The following STAG1 variants were observed in gnomAD, a reference collection of about 807,000 sequenced individuals.
The protein encoded by STAG1 is STAG1 cohesin complex component.
A neutral mutation model predicts 170.9 loss-of-function variants in STAG1; 26 were observed. That is an observed-to-expected ratio of 0.15 (90% confidence interval 0.11 to 0.21). STAG1 has a LOEUF of 0.21. Among genes scored for constraint, STAG1 ranks in the 10% least tolerant of loss-of-function variants. The probability of loss-of-function intolerance (pLI) is 1.00; values close to 1 mark genes in which losing one functional copy is unlikely to be tolerated. For missense variants in STAG1, 964 were observed against 1,509.5 expected (o/e 0.64, Z 5.99); for synonymous variants, 514 against 497.7 (o/e 1.03, Z -0.44).
rs1939942913 is a variant in STAG1 at position 136,623,205 on chromosome 3, C to T, written c.73G>A (p.Glu25Lys). The change falls in exon 3 of 34, where the codon GAG (glutamate) becomes AAG (lysine). Residue 25 changes from glutamate (E) to lysine (K), a missense_variant. Physicochemically the swap from Glu to Lys is moderately conservative, Grantham distance 56. Coordinates refer to ENST00000383202, the MANE Select transcript of STAG1 (RefSeq NM_005862.3). ...CCTTTGACCTCTGTTTCTTCAAGCT[C>T]GCTGCCAGCATCGGAATGGGCAGTA... ...ETTAHSDAGS[E>K]LEETEVKGKR... The T allele has an allele frequency of 1.9e-6, 3 of 1,613,624 alleles. No individual in the cohort carries two copies. The highest frequency in any genetic ancestry group is 1.7e-6 in the Non-Finnish European group (2 of 1,179,768).
intron 4 of STAG1, among the ~76,000 whole-genome samples, chr3:136,579,762 A>C (rs1937550947): frequency 6.6e-6 from 1 of 152,186 alleles, no homozygotes; most frequent in Non-Finnish European, 1.5e-5. Flanking sequence ...CATATGTTTT[A>C]CTAAGGCTTT....
chr3:136,682,627 C>T lies in STAG1; in HGVS notation c.-83-51646G>A, dbSNP rs540090436. 2.0e-5 allele frequency among the ~76,000 whole-genome samples: 3 copies of T among 151,906 alleles called. No homozygotes were observed. The East Asian group carries it at 5.8e-4, about 29-fold the overall frequency. Reference sequence around the variant, plus strand: ...TGAAAATGAAATTAAGAAAAGAATTCCATTTACAATACCATGAAAAGAAAT... The same window carrying T: ...TGAAAATGAAATTAAGAAAAGAATTTCATTTACAATACCATGAAAAGAAAT... On this transcript the variant is annotated intron_variant, in intron 1 of 33. Coordinates refer to ENST00000383202, the MANE Select transcript of STAG1 (RefSeq NM_005862.3).
Position 136,465,054 on chromosome 3 carries a change from A to G in STAG1, c.1206-66T>C, listed in dbSNP as rs182227534. 3.2e-4 allele frequency: 397 copies of G among 1,230,208 alleles called. 5 individuals are homozygous for G. The highest frequency in any genetic ancestry group is 1.8e-5 in the Non-Finnish European group (16 of 886,992). 76.2% of individuals were successfully genotyped at this position (1,230,208 alleles called of 1,614,324 possible). ...TTTATTTTCCTTTCTACTTTTATTT[A>G]AACTTGCTAAAGTTCATTATAAAGC... On this transcript the variant is annotated intron_variant, in intron 12 of 33. Coordinates refer to ENST00000383202, the MANE Select transcript of STAG1 (RefSeq NM_005862.3).
intron 22 of STAG1, among the ~76,000 whole-genome samples, chr3:136,379,902 A>G (rs916427684): frequency 2.0e-5 from 3 of 152,200 alleles, no homozygotes; most frequent in African/African-American, 7.2e-5. Context: ...GAACTACTGA[A>G]GAAGGATTTT....
At chr3:136,572,601 C>CAAAAA (rs11379268) in intron 4 of STAG1, among the ~76,000 whole-genome samples, 2 of 66,570 alleles carry the variant, frequency 3.0e-5, no homozygotes, top group African/African-American at 6.0e-5. Context: ...AAGACTGTCT[C>CAAAAA]AAAAAAAAAA....
At chr3:136,670,152 A>C (rs1052068902) in intron 1 of STAG1, among the ~76,000 whole-genome samples, 1 of 152,224 alleles carries the variant, frequency 6.6e-6, no homozygotes, top group Admixed American at 6.5e-5. Flanking sequence ...GAATCATCCA[A>C]TATTAGCAGC....
intron 5 of STAG1, among the ~76,000 whole-genome samples, chr3:136,555,218 A>G (rs1936561266): frequency 6.6e-6 from 1 of 151,546 alleles, no homozygotes; most frequent in African/African-American, 2.4e-5. Flanking sequence ...TCAAAATAAT[A>G]AAAACACCAG....
chr3:136,600,862 GTTTGTTTGTTTTGT>G (rs776591430), intron 4 of STAG1, among the ~76,000 whole-genome samples: 1,890 of 104,492 alleles, frequency 0.018, 41 homozygotes, highest in African/African-American at 0.063. Context: ...GTTGTTGTTT[GTTTGTTTGTTTTGT>G]TTTGTTTTGT....
At chr3:136,671,000 A>G (rs1173213732) in intron 1 of STAG1, among the ~76,000 whole-genome samples, 2 of 151,906 alleles carry the variant, frequency 1.3e-5, no homozygotes, top group Admixed American at 6.6e-5. Context: ...AAAGGAAAGT[A>G]CCGGCCGGGT....
chr3:136,527,514 A>G (rs1935104659), intron 6 of STAG1, among the ~76,000 whole-genome samples: 2 of 151,962 alleles, frequency 1.3e-5, no homozygotes, highest in Non-Finnish European at 1.5e-5. Context: ...TTTGGTTTTC[A>G]GCTTCTTTGT....
At chr3:136,551,208 T>TGAGAGAGAGAGAGAGAGAGAGA (rs57609965) in intron 5 of STAG1, among the ~76,000 whole-genome samples, 3 of 44,478 alleles carry the variant, frequency 6.7e-5, no homozygotes, top group Non-Finnish European at 1.1e-4. Flanking sequence ...TGAGAGAGAG[T>TGAGAGAGAGAGAGAGAGAGAGA]GAGAGAGAGA....
Position 136,461,430 on chromosome 3 carries a change from C to A in STAG1, c.1313+3451G>T, listed in dbSNP as rs137878307. On this transcript the variant is annotated intron_variant, in intron 13 of 33. Transcript: ENST00000383202. ...AATCTTATATTTAGAAAAACAGACT[C>A]CGCCCAAAAAATTGTTGTGAGAACT... Among the ~76,000 whole-genome samples the A allele has an allele frequency of 3.9e-3, 594 of 152,060 alleles. 2 individuals carry two copies. Among genetic ancestry groups the A allele is most frequent in the Middle Eastern group, 0.031 (9 of 294 alleles).
chr3:136,375,538 T>A (rs1259536605), intron 23 of STAG1, among the ~76,000 whole-genome samples: 1 of 152,130 alleles, frequency 6.6e-6, no homozygotes, highest in Non-Finnish European at 1.5e-5. Context: ...CCATGAAATA[T>A]ACTCAGGTAT....
intron 9 of STAG1, chr3:136,499,978 T>A (rs1196025825): frequency 2.8e-6 from 1 of 360,860 alleles, no homozygotes; most frequent in Non-Finnish European, 5.1e-6. Context: ...TCCATCAGTA[T>A]AAATCCAAGT....
intron 1 of STAG1, among the ~76,000 whole-genome samples, chr3:136,726,595 C>T (rs1286051087): frequency 2.0e-5 from 3 of 152,024 alleles, no homozygotes; most frequent in Non-Finnish European, 4.4e-5. Context: ...AGCTAATTTT[C>T]GTATTTTTAG....
At chr3:136,540,361 T>G (rs1935833150) in intron 6 of STAG1, among the ~76,000 whole-genome samples, 1 of 152,086 alleles carries the variant, frequency 6.6e-6, no homozygotes, top group African/African-American at 2.4e-5. Flanking sequence ...TAAAAAAGTC[T>G]TCTTTGATGA....
At chr3:136,632,465 G>A (rs1236773295) in intron 1 of STAG1, among the ~76,000 whole-genome samples, 1 of 152,074 alleles carries the variant, frequency 6.6e-6, no homozygotes, top group Non-Finnish European at 1.5e-5. Flanking sequence ...TGGTACCTGT[G>A]GGAGCAATAC....
chr3:136,613,528 C>T (rs1482268007), intron 3 of STAG1, among the ~76,000 whole-genome samples: 5 of 152,046 alleles, frequency 3.3e-5, no homozygotes, highest in Non-Finnish European at 7.4e-5. Flanking sequence ...ACTCTGTCAC[C>T]CAGACTAGAA....
Position 136,464,920 on chromosome 3 carries a change from C to T in STAG1, c.1274G>A (p.Arg425His), listed in dbSNP as rs900986108. ...CTCTCCAGCTGCCACAGCAACAGGGCGATGTGCCGAGTACACCAAGTGGTA... is the reference window on the plus strand; with the variant it reads ...CTCTCCAGCTGCCACAGCAACAGGGTGATGTGCCGAGTACACCAAGTGGTA... The part of the protein sequence containing the change: ...NVYHLVYSAH[R>H]PVAVAAGEFL... The change falls in exon 13 of 34, where the codon CGC becomes CAC. Residue 425 changes from arginine to histidine, a missense_variant. Physicochemically the swap from Arg to His is conservative, Grantham distance 29. This residue lies in a region of STAG1 where 162 missense variants were observed against 211.2 expected (regional missense o/e 0.77). Transcript: ENST00000383202. The T allele has an allele frequency of 6.2e-7, 1 of 1,612,612 alleles. No individual in the cohort carries two copies. Among genetic ancestry groups the T allele is most frequent in the Non-Finnish European group, 8.5e-7 (1 of 1,179,392 alleles).
Sources: gnomAD v4.1 joint callset for allele counts (sites outside exome capture counted in the v4.1 genomes callset) on GRCh38, gnomAD v4.1.1 for gene constraint, gnomAD v4.1.1 regional missense constraint, MANE v1.5 for transcripts, NCBI Gene and HGNC (gene_info 2026-07-23, HGNC 2026-07-21) for gene names.